The following IRAK1BP1 variants were observed in gnomAD, a reference collection of about 807,000 sequenced individuals.
The protein encoded by IRAK1BP1 is interleukin 1 receptor associated kinase 1 binding protein 1.
IRAK1BP1 carries 24 observed loss-of-function variants against 28.0 expected under a neutral mutation model. The ratio of observed to expected loss-of-function variants is 0.86; its 90% CI spans 0.62 to 1.20. IRAK1BP1 has a LOEUF of 1.20. IRAK1BP1 is among the 50% of genes most tolerant of loss of function. The pLI, the probability that IRAK1BP1 is intolerant of heterozygous loss-of-function variation, is 0.00. For missense variants in IRAK1BP1, 336 were observed against 316.7 expected (o/e 1.06, Z -0.46); for synonymous variants, 131 against 116.3 (o/e 1.13, Z -0.81).
At chr6:78,910,848 C>T (rs1408456532) in intron 4 of IRAK1BP1, among the ~76,000 whole-genome samples, 3 of 152,236 alleles carry the variant, frequency 2.0e-5, no homozygotes, top group South Asian at 4.1e-4. Context: ...GCTGGGTGCG[C>T]GCTCCGTGCT....
chr6:78,896,824 CAA>C lies in IRAK1BP1; in HGVS notation c.382-991_382-990del, dbSNP rs36004777. ...AGGAAAACAGAAAGAGACCCTGGCT[CAA>C]AAAAAAAAAAAAATTATGATTAAAG... On this transcript the variant is annotated intron_variant, in intron 2 of 3. Coordinates refer to ENST00000369940, the MANE Select transcript of IRAK1BP1 (RefSeq NM_001010844.4). Among the ~76,000 whole-genome samples the C allele has an allele frequency of 8.3e-4, 110 of 132,416 alleles. 1 individual carries two copies. Among genetic ancestry groups the C allele is most frequent in the East Asian group, 5.0e-3 (23 of 4,620 alleles). The allele number at this position is 132,416 out of a possible 152,430, so 86.9% of individuals were successfully genotyped here.
At chr6:78,952,492 C>T in the IRAK1BP1 span, among the ~76,000 whole-genome samples, 2 of 150,274 alleles carry the variant, frequency 1.3e-5, no homozygotes, top group Non-Finnish European at 3.0e-5. Flanking sequence ...TCAAATATTG[C>T]TCCTCTCCCA....
chr6:78,898,026 G>C, intron 3 of IRAK1BP1, 38 bp from the exon 4 acceptor site: 1 of 1,604,970 alleles, frequency 6.2e-7, no homozygotes, highest in Non-Finnish European at 8.5e-7. Flanking sequence ...ACATTTCATT[G>C]AGTGTCATAT....
At chr6:78,879,235 G>A (rs1227071124) in intron 1 of IRAK1BP1, among the ~76,000 whole-genome samples, 1 of 152,014 alleles carries the variant, frequency 6.6e-6, no homozygotes, top group African/African-American at 2.4e-5. Context: ...AGCATTAGGA[G>A]ATACACCTAA....
chr6:78,927,451 G>A (rs947691564), intron 4 of IRAK1BP1, among the ~76,000 whole-genome samples: 1 of 151,984 alleles, frequency 6.6e-6, no homozygotes, highest in Non-Finnish European at 1.5e-5. Flanking sequence ...TTGTCAGATG[G>A]GTAGTTTACA....
chr6:78,916,054 G>A (rs528271128), intron 4 of IRAK1BP1, among the ~76,000 whole-genome samples: 13 of 152,248 alleles, frequency 8.5e-5, no homozygotes, highest in African/African-American at 1.7e-4. Flanking sequence ...GTGAGCAGCC[G>A]GAGCAAGCAG....
At chr6:78,870,109 C>CAAAA (rs70977749) in intron 1 of IRAK1BP1, among the ~76,000 whole-genome samples, 3 of 41,564 alleles carry the variant, frequency 7.2e-5, no homozygotes, top group Non-Finnish European at 1.2e-4. Flanking sequence ...AACTCCGTCC[C>CAAAA]AAAAAAAAAA....
Position 78,898,401 on chromosome 6 carries a change from G to A in IRAK1BP1, c.*67G>A, listed in dbSNP as rs552017513. The A allele has an allele frequency of 3.4e-4, 88 of 261,090 alleles. No individual in the cohort carries two copies. The highest frequency in any genetic ancestry group is 3.0e-3 in the African/African-American group (65 of 21,568). The allele number at this position is 261,090 out of a possible 1,614,324, so 16.2% of individuals were successfully genotyped here. On this transcript the variant is annotated 3_prime_UTR_variant, in exon 4 of 4. Transcript: ENST00000369940. ...TTTTTATACTTTTTATAATGTTTAC[G>A]TTTGTCCTGAATATATATATATATA...
At chr6:78,870,917 G>T (rs969322870) in intron 1 of IRAK1BP1, among the ~76,000 whole-genome samples, 2 of 151,888 alleles carry the variant, frequency 1.3e-5, no homozygotes, top group African/African-American at 4.8e-5. Flanking sequence ...CACTGTGTTG[G>T]CCAGGCTGGT....
chr6:78,899,522 GATACAA>G lies in IRAK1BP1; in HGVS notation c.*1196_*1201del, dbSNP rs1554189503. On this transcript the variant is annotated 3_prime_UTR_variant, in exon 4 of 4. Coordinates refer to ENST00000369940, the MANE Select transcript of IRAK1BP1 (RefSeq NM_001010844.4). ...GGACTCCAACAGGGCTCCTTAGAGTGATACAAATACAAAGCAAACGATATGTGTAAT... is the reference window on the plus strand; with the variant it reads ...GGACTCCAACAGGGCTCCTTAGAGTGATACAAAGCAAACGATATGTGTAAT... 1 of 152,196 alleles carries G rather than the reference GATACAA, an allele frequency of 6.6e-6. No individual in the cohort carries two copies. Among genetic ancestry groups the G allele is most frequent in the Non-Finnish European group, 1.5e-5 (1 of 68,018 alleles). The allele number at this position is 152,196 out of a possible 1,614,324, so 9.4% of individuals were successfully genotyped here.
the IRAK1BP1 span, among the ~76,000 whole-genome samples, chr6:78,973,461 T>C: frequency 1.7e-5 from 2 of 117,938 alleles, no homozygotes; most frequent in Non-Finnish European, 3.6e-5. Flanking sequence ...AGGAAGAAAC[T>C]GCATCAACTA....
intron 4 of IRAK1BP1, among the ~76,000 whole-genome samples, chr6:78,919,420 GA>G (rs1352107162): frequency 1.3e-5 from 2 of 152,006 alleles, no homozygotes; most frequent in African/African-American, 4.8e-5. Context: ...TCTTTGAAAG[GA>G]TAAACAAGAT....
At chr6:78,872,103 C>T in intron 1 of IRAK1BP1, 1 of 700,940 alleles carries the variant, frequency 1.4e-6, no homozygotes, top group Non-Finnish European at 2.6e-6. Context: ...GAGACCCCAG[C>T]ATCTTCACCC....
downstream of IRAK1BP1, chr6:78,947,526 T>A (rs1022555252): frequency 2.5e-5 from 15 of 608,212 alleles, no homozygotes; most frequent in Non-Finnish European, 4.0e-5. Context: ...AACAGAAAGT[T>A]AACTTTGACC....
At chr6:78,867,954 G>C in intron 1 of IRAK1BP1, 63 bp downstream of exon 1, 2 of 1,445,898 alleles carry the variant, frequency 1.4e-6, no homozygotes, top group South Asian at 2.9e-5. Flanking sequence ...CAGATGGTCG[G>C]GCCCCACAGG....
At chr6:78,947,882 T>C (rs1033466371), downstream of IRAK1BP1, 7 of 678,724 alleles carry the variant, frequency 1.0e-5, no homozygotes, top group African/African-American at 1.1e-4. Context: ...GTCCTAGAAC[T>C]CTTAATAATC....
rs1772020900 is a variant in IRAK1BP1 at position 78,899,443 on chromosome 6, G to C, written c.*1109G>C. The C allele has an allele frequency of 6.6e-6, 1 of 152,088 alleles. No individual in the cohort carries two copies. Among genetic ancestry groups the C allele is most frequent in the Non-Finnish European group, 1.5e-5 (1 of 68,030 alleles). The allele number at this position is 152,088 out of a possible 1,614,324, so 9.4% of individuals were successfully genotyped here. On this transcript the variant is annotated 3_prime_UTR_variant, in exon 4 of 4. Transcript: ENST00000369940. Reference sequence around the variant, plus strand: ...ATAGCTTTTTACAAAAGAATAATGAGGTATAATAGGAAAATGTTTTGATGC... The same window carrying C: ...ATAGCTTTTTACAAAAGAATAATGACGTATAATAGGAAAATGTTTTGATGC...
intron 1 of IRAK1BP1, among the ~76,000 whole-genome samples, chr6:78,869,218 C>A: frequency 6.6e-6 from 1 of 152,188 alleles, no homozygotes. Context: ...TCACAGGTCT[C>A]TAATATATAA....
the IRAK1BP1 span, chr6:78,965,844 T>C: frequency 8.5e-7 from 1 of 1,181,264 alleles, no homozygotes; most frequent in East Asian, 2.3e-5. Context: ...ATCAAAATAA[T>C]TGCTTCTGTG....
Sources: gnomAD v4.1 joint callset for allele counts (sites outside exome capture counted in the v4.1 genomes callset) on GRCh38, gnomAD v4.1.1 for gene constraint, MANE v1.5 for transcripts, NCBI Gene and HGNC (gene_info 2026-07-23, HGNC 2026-07-21) for gene names.